Variants in SEPTIN9 observed in about 807,000 individuals in gnomAD.
SEPTIN9 encodes the protein septin 9.
A neutral mutation model predicts 56.6 loss-of-function variants in SEPTIN9; 13 were observed. That is an observed-to-expected ratio of 0.23 (90% CI 0.15 to 0.37). SEPTIN9 has a LOEUF of 0.37. SEPTIN9 is among the 10% of genes least tolerant of loss of function. The pLI is 1.00. For synonymous variants in SEPTIN9, 332 were observed against 334.1 expected, an observed-to-expected ratio of 0.99 and a Z score of 0.07; for missense variants, 650 against 823.1, an observed-to-expected ratio of 0.79 and a Z score of 2.57.
chr17:77,338,862 A>G (rs1443501996), intron 2 of SEPTIN9, among the ~76,000 whole-genome samples: 1 of 152,246 alleles, frequency 6.6e-6, no homozygotes, highest in East Asian at 1.9e-4. Flanking sequence ...AACCCTGGCC[A>G]CGGATTGATC....
intron 3 of SEPTIN9, among the ~76,000 whole-genome samples, chr17:77,479,246 A>T (rs1229267969): frequency 6.6e-6 from 1 of 152,216 alleles, no homozygotes; most frequent in Non-Finnish European, 1.5e-5. Flanking sequence ...GTCACAGACA[A>T]TGGAGTGGGT....
Position 77,425,544 on chromosome 17 carries a change from C to T in SEPTIN9, c.721+22841C>T, listed in dbSNP as rs1035841543. ...ATGGAAGGAGCTGCAGCTGAGCTGG[C>T]GGGCCTCGCACACCCCCAAGGCCGC... On this transcript the variant is annotated intron_variant, in intron 3 of 11. Transcript: ENST00000427177. The surrounding 1 kb of genome is among the most constrained non-coding windows in gnomAD (Gnocchi z 4.2). Among the ~76,000 whole-genome samples, 3 of 152,154 alleles carry T rather than the reference C, an allele frequency of 2.0e-5. No homozygotes were observed. The highest frequency in any genetic ancestry group is 7.2e-5 in the African/African-American group (3 of 41,426).
chr17:77,363,203 TGG>T (rs1486323933), intron 2 of SEPTIN9, among the ~76,000 whole-genome samples: 1 of 151,964 alleles, frequency 6.6e-6, no homozygotes, highest in East Asian at 1.9e-4. Flanking sequence ...CCCAAGACCC[TGG>T]GGAAGGCACG....
At chr17:77,440,233 CA>C (rs2037494634) in intron 3 of SEPTIN9, among the ~76,000 whole-genome samples, 2 of 152,172 alleles carry the variant, frequency 1.3e-5, no homozygotes. Context: ...TGGCTCACTG[CA>C]ACCTCCACCT....
chr17:77,394,876 A>G (rs916691551), intron 2 of SEPTIN9, among the ~76,000 whole-genome samples: 2 of 152,154 alleles, frequency 1.3e-5, no homozygotes, highest in African/African-American at 4.8e-5. Flanking sequence ...CTGGAGGGGA[A>G]AGTTTGCATC....
chr17:77,341,064 T>G (rs2143756306), intron 2 of SEPTIN9, among the ~76,000 whole-genome samples: 1 of 152,370 alleles, frequency 6.6e-6, no homozygotes, highest in South Asian at 2.1e-4. Context: ...TAAGGCTGTT[T>G]TGCTTTCTTC....
chr17:77,423,067 G>A (rs1407811696), intron 3 of SEPTIN9, among the ~76,000 whole-genome samples: 8 of 151,964 alleles, frequency 5.3e-5, no homozygotes, highest in African/African-American at 1.9e-4. Context: ...TGTCTTGCTC[G>A]CTCTGTCATC....
chr17:77,409,831 A>G (rs565880427), intron 3 of SEPTIN9, among the ~76,000 whole-genome samples: 7 of 152,320 alleles, frequency 4.6e-5, no homozygotes, highest in Non-Finnish European at 7.4e-5. Context: ...GGGCACATTC[A>G]GCCCTGGAGG....
Position 77,499,467 on chromosome 17 carries a change from C to T in SEPTIN9, c.*809C>T, listed in dbSNP as rs60001073. On this transcript the variant is annotated 3_prime_UTR_variant, in exon 12 of 12. Transcript: ENST00000427177. ...AAAAGGAAGGAGAGATGACCCCTAC[C>T]CCCTCATCCCCCAGTTTTGAAAAGG... 118 of 517,976 alleles carry T rather than the reference C, an allele frequency of 2.3e-4. No homozygotes were observed. Among genetic ancestry groups the T allele is most frequent in the African/African-American group, 1.9e-3 (104 of 53,530 alleles). The allele number at this position is 517,976 out of a possible 1,614,324, so 32.1% of individuals were successfully genotyped here.
Position 77,420,920 on chromosome 17 carries a change from C to T in SEPTIN9, c.721+18217C>T, listed in dbSNP as rs568635266. Among the ~76,000 whole-genome samples the T allele has an allele frequency of 3.3e-5, 5 of 152,346 alleles. No homozygotes were observed. The East Asian group carries it at 5.8e-4, about 18-fold the overall frequency. On this transcript the variant is annotated intron_variant, in intron 3 of 11. Transcript: ENST00000427177. ...CTGCCCAACAGTTACTTTCATCATC[C>T]CATTTTCCAGATTAGGAAATCAAGG...
intron 2 of SEPTIN9, among the ~76,000 whole-genome samples, chr17:77,308,087 G>A (rs1422779289): frequency 1.3e-5 from 2 of 152,216 alleles, no homozygotes; most frequent in Non-Finnish European, 2.9e-5. Context: ...ATGGGTCACA[G>A]CAATGAATGG....
At chr17:77,380,545 C>G (rs1041516008) in intron 2 of SEPTIN9, among the ~76,000 whole-genome samples, 1 of 152,232 alleles carries the variant, frequency 6.6e-6, no homozygotes, top group African/African-American at 2.4e-5. Flanking sequence ...GCAGTGCCCT[C>G]CTCCCCACAT....
At chr17:77,328,202 G>T (rs1283014694) in intron 2 of SEPTIN9, among the ~76,000 whole-genome samples, 1 of 151,480 alleles carries the variant, frequency 6.6e-6, no homozygotes, top group Non-Finnish European at 1.5e-5. Flanking sequence ...CATGCCCAGG[G>T]TGTCCCCATG....
chr17:77,484,814 ATTGTGATGGTGGTGGCGATGGTGG>A (rs1331486625), intron 4 of SEPTIN9, among the ~76,000 whole-genome samples: 12 of 58,492 alleles, frequency 2.1e-4, no homozygotes, highest in Middle Eastern at 0.013. Flanking sequence ...GGTGGTGGTG[ATTGTGATGGTGGTGGCGATGGTGG>A]TTGTGATGGT....
At chr17:77,320,554 G>A (rs1266902958) in intron 2 of SEPTIN9, among the ~76,000 whole-genome samples, 4 of 152,088 alleles carry the variant, frequency 2.6e-5, no homozygotes, top group Non-Finnish European at 4.4e-5. Flanking sequence ...ATTTAAACTC[G>A]GCTCTCCTCT....
chr17:77,492,687 G>A lies in SEPTIN9; in HGVS notation c.1447G>A (p.Glu483Lys). ...YPQKEFDEDS[E>K]DRLVNEKFRE... ...CCAGAAGGAATTTGATGAGGACTCG[G>A]AGGACCGGCTGGTGAACGAGAAGTT... Residue 483 changes from glutamate to lysine, a missense_variant, in exon 9 of 12, where the codon GAG (glutamate) becomes AAG (lysine). Glu to Lys is a moderately conservative substitution (Grantham distance 56, BLOSUM62 1). Around this residue, in one of 2 missense-constraint regions of SEPTIN9, gnomAD observed 333 missense variants for 494.0 expected, o/e 0.67. Coordinates refer to ENST00000427177, the MANE Select transcript of SEPTIN9 (RefSeq NM_001113491.2). The surrounding 1 kb of genome is among the most constrained non-coding windows in gnomAD (Gnocchi z 5.4). 1 of 1,614,162 alleles carries A rather than the reference G, an allele frequency of 6.2e-7. No individual in the cohort carries two copies. Among genetic ancestry groups the A allele is most frequent in the Non-Finnish European group, 8.5e-7 (1 of 1,180,022 alleles).
intron 2 of SEPTIN9, among the ~76,000 whole-genome samples, chr17:77,321,277 C>T (rs933228653): frequency 4.0e-5 from 6 of 151,860 alleles, no homozygotes; most frequent in Admixed American, 1.3e-4. Context: ...GGGCCCTGGT[C>T]TGTTGGTTGC....
At chr17:77,350,969 G>T (rs1568008075) in intron 2 of SEPTIN9, among the ~76,000 whole-genome samples, 1 of 151,778 alleles carries the variant, frequency 6.6e-6, no homozygotes, top group African/African-American at 2.4e-5. Flanking sequence ...CCTGTGTGCT[G>T]TGTGCCCCCA....
chr17:77,431,811 C>A (rs1056394245), intron 3 of SEPTIN9, among the ~76,000 whole-genome samples: 1 of 129,204 alleles, frequency 7.7e-6, no homozygotes, highest in Non-Finnish European at 1.5e-5. Context: ...GCCTAGGCAA[C>A]GGGAGTGAAA....
Sources: gnomAD v4.1 joint callset for allele counts (sites outside exome capture counted in the v4.1 genomes callset) on GRCh38, gnomAD v4.1.1 for gene constraint, gnomAD v4.1.1 regional missense constraint, Gnocchi (gnomAD v3.1) non-coding constraint, MANE v1.5 for transcripts, NCBI Gene and HGNC (gene_info 2026-07-23, HGNC 2026-07-21) for gene names.